Variants in ST6GALNAC3 observed in about 807,000 individuals in gnomAD.
ST6GALNAC3 encodes ST6 N-acetylgalactosaminide alpha-2,6-sialyltransferase 3.
Under a neutral mutation model 32.7 loss-of-function variants are expected in ST6GALNAC3, and 25 were observed. The ratio of observed to expected loss-of-function variants is 0.76; its 90% CI spans 0.56 to 1.07. ST6GALNAC3 has a LOEUF of 1.07. Among genes scored for constraint, ST6GALNAC3 ranks in the 50% least tolerant of loss-of-function variants. The pLI is 0.00. For synonymous variants in ST6GALNAC3, 129 were observed against 133.1 expected (o/e 0.97, Z 0.21); for missense variants, 355 against 382.4 (o/e 0.93, Z 0.60).
chr1:76,259,439 G>A (rs1353315463), intron 1 of ST6GALNAC3, among the ~76,000 whole-genome samples: 3 of 152,142 alleles, frequency 2.0e-5, no homozygotes, highest in Non-Finnish European at 2.9e-5. Context: ...TCTATCACAT[G>A]CAGTGTTGGG....
At chr1:76,356,797 G>A (rs1557818088) in intron 2 of ST6GALNAC3, among the ~76,000 whole-genome samples, 2 of 152,170 alleles carry the variant, frequency 1.3e-5, no homozygotes, top group Non-Finnish European at 2.9e-5. Flanking sequence ...ATAACGCAAT[G>A]AGAACTATTA....
In ST6GALNAC3 at chr1:76,633,230, G is replaced by A. The variant is rs1346438529; in HGVS notation, c.*4424G>A. 3.3e-5 allele frequency: 5 copies of A among 152,164 alleles called. No homozygotes were observed. The highest frequency in any genetic ancestry group is 7.3e-5 in the Non-Finnish European group (5 of 68,032). 9.4% of individuals were successfully genotyped at this position (152,164 alleles called of 1,614,324 possible). On this transcript the variant is annotated 3_prime_UTR_variant, in exon 5 of 5. Transcript: ENST00000328299. ...AGTGCTTTTTCCACTACACTTTTTA[G>A]ACAGAAGAGTAGCTGGAAAAAGAAT... is the stretch of plus-strand genomic sequence containing the variant.
intron 3 of ST6GALNAC3, among the ~76,000 whole-genome samples, chr1:76,512,814 C>A (rs898189441): frequency 2.6e-5 from 4 of 152,024 alleles, no homozygotes; most frequent in African/African-American, 9.7e-5. Context: ...AACACACACA[C>A]TTTTTTTCTT....
At chr1:76,493,781 A>T (rs1346476618) in intron 3 of ST6GALNAC3, among the ~76,000 whole-genome samples, 1 of 152,128 alleles carries the variant, frequency 6.6e-6, no homozygotes, top group Non-Finnish European at 1.5e-5. Context: ...CATGCATATT[A>T]AAAAAAGAAG....
intron 1 of ST6GALNAC3, among the ~76,000 whole-genome samples, chr1:76,274,881 C>T (rs1659047186): frequency 6.6e-6 from 1 of 152,204 alleles, no homozygotes; most frequent in Non-Finnish European, 1.5e-5. Flanking sequence ...TGTCGAACTT[C>T]ATCTTGTGAA....
At chr1:76,480,695 T>A (rs995905172) in intron 3 of ST6GALNAC3, among the ~76,000 whole-genome samples, 46 of 152,152 alleles carry the variant, frequency 3.0e-4, no homozygotes, top group African/African-American at 1.1e-3. Flanking sequence ...TAGCAGTAAA[T>A]GTTATGTAGG....
At chr1:76,545,955 G>A (rs949773770) in intron 3 of ST6GALNAC3, among the ~76,000 whole-genome samples, 2 of 152,168 alleles carry the variant, frequency 1.3e-5, no homozygotes, top group South Asian at 2.1e-4. Context: ...CACCGCACTT[G>A]GCAGAAGAAA....
At chr1:76,467,652 G>T (rs1386114125) in intron 3 of ST6GALNAC3, among the ~76,000 whole-genome samples, 1 of 151,808 alleles carries the variant, frequency 6.6e-6, no homozygotes, top group Non-Finnish European at 1.5e-5. Flanking sequence ...TATCAATAGT[G>T]GTTATCTGGA....
intron 1 of ST6GALNAC3, among the ~76,000 whole-genome samples, chr1:76,169,042 T>C (rs1652307084): frequency 6.6e-6 from 1 of 152,194 alleles, no homozygotes; most frequent in Non-Finnish European, 1.5e-5. Flanking sequence ...GATTGTTTTA[T>C]AGTGTGACTG....
At chr1:76,241,243 A>G (rs1050559401) in intron 1 of ST6GALNAC3, among the ~76,000 whole-genome samples, 1 of 152,162 alleles carries the variant, frequency 6.6e-6, no homozygotes, top group Non-Finnish European at 1.5e-5. Flanking sequence ...GGAATATATA[A>G]AATAGGTAAT....
chr1:76,230,188 T>C (rs1570512635), intron 1 of ST6GALNAC3, among the ~76,000 whole-genome samples: 1 of 152,216 alleles, frequency 6.6e-6, no homozygotes, highest in Non-Finnish European at 1.5e-5. Context: ...ATTTCAGCAG[T>C]GACTTCTTCC....
intron 2 of ST6GALNAC3, among the ~76,000 whole-genome samples, chr1:76,357,995 T>C (rs75573942): frequency 0.078 from 11,882 of 152,232 alleles, 535 homozygotes; most frequent in Middle Eastern, 0.11. Flanking sequence ...GCCAACATAC[T>C]ACACCTTTTT....
chr1:76,435,032 C>T (rs1341379616), intron 3 of ST6GALNAC3, among the ~76,000 whole-genome samples: 2 of 151,954 alleles, frequency 1.3e-5, no homozygotes, highest in South Asian at 2.1e-4. Context: ...CTCAGGTGAT[C>T]CACCCACCTT....
intron 1 of ST6GALNAC3, among the ~76,000 whole-genome samples, chr1:76,174,138 A>G (rs1190057876): frequency 6.6e-6 from 1 of 152,256 alleles, no homozygotes; most frequent in Non-Finnish European, 1.5e-5. Flanking sequence ...CATATACACC[A>G]TGGAATACTA....
intron 2 of ST6GALNAC3, among the ~76,000 whole-genome samples, chr1:76,373,896 C>T (rs1219362869): frequency 6.6e-6 from 1 of 152,080 alleles, no homozygotes; most frequent in African/African-American, 2.4e-5. Flanking sequence ...GTTTTCTAAC[C>T]CCTTCCCACC....
chr1:76,250,301 A>G (rs1657536390), intron 1 of ST6GALNAC3, among the ~76,000 whole-genome samples: 3 of 152,324 alleles, frequency 2.0e-5, no homozygotes, highest in South Asian at 2.1e-4. Flanking sequence ...GTGCTAGCAA[A>G]GAAGTGTTAA....
chr1:76,243,881 T>C (rs1209872797), intron 1 of ST6GALNAC3, among the ~76,000 whole-genome samples: 1 of 152,222 alleles, frequency 6.6e-6, no homozygotes, highest in Non-Finnish European at 1.5e-5. Flanking sequence ...TCAGGTAGCA[T>C]GATGCCTCCA....
intron 2 of ST6GALNAC3, among the ~76,000 whole-genome samples, chr1:76,356,381 C>T (rs941650531): frequency 6.8e-5 from 10 of 146,448 alleles, no homozygotes; most frequent in East Asian, 6.0e-4. Flanking sequence ...GACTCCTTGC[C>T]GCATGCCAAC....
At chr1:76,185,681 C>T (rs1397808886) in intron 1 of ST6GALNAC3, among the ~76,000 whole-genome samples, 1 of 152,158 alleles carries the variant, frequency 6.6e-6, no homozygotes, top group Non-Finnish European at 1.5e-5. Flanking sequence ...CATATACTGC[C>T]AGCATTGTGC....
Sources: allele counts gnomAD v4.1 joint callset (sites outside exome capture counted in the v4.1 genomes callset), GRCh38; gene constraint gnomAD v4.1.1; transcripts MANE v1.5; gene names NCBI Gene and HGNC (gene_info 2026-07-23, HGNC 2026-07-21).